The following CACNA1I variants were observed in gnomAD, a reference collection of about 807,000 sequenced individuals.
CACNA1I encodes voltage-dependent T-type calcium channel subunit alpha-1I.
CACNA1I carries 74 observed loss-of-function variants against 201.6 expected under a neutral mutation model. The ratio of observed to expected loss-of-function variants is 0.37; its 90% CI spans 0.30 to 0.45. The LOEUF is 0.45. Among genes scored for constraint, CACNA1I ranks in the 20% least tolerant of loss-of-function variants. The pLI, the probability that CACNA1I is intolerant of heterozygous loss-of-function variation, is 1.00. For missense variants in CACNA1I, 2,346 were observed against 3,138.1 expected, an observed-to-expected ratio of 0.75 and a Z score of 6.03; for synonymous variants, 1,431 against 1,345.2, an observed-to-expected ratio of 1.06 and a Z score of -1.40.
intron 10 of CACNA1I, among the ~76,000 whole-genome samples, chr22:39,651,944 G>A (rs1169862408): frequency 6.6e-6 from 1 of 152,022 alleles, no homozygotes; most frequent in Non-Finnish European, 1.5e-5. Context: ...CTCAGGCCAG[G>A]CCACGGTCCC....
In CACNA1I at chr22:39,682,669, G is replaced by A. The variant is rs752607220; in HGVS notation, c.5830+8G>A. On this transcript the variant is annotated splice_region_variant and intron_variant, in intron 35 of 36. Transcript: ENST00000402142. Reference sequence around the variant, plus strand: ...AACATGACAGCAGTCAAGGTGAGGGGTGGGAGCCCTGCCAGCTCCCCACAG... The same window carrying A: ...AACATGACAGCAGTCAAGGTGAGGGATGGGAGCCCTGCCAGCTCCCCACAG... 2 of 1,609,264 alleles carry A rather than the reference G, an allele frequency of 1.2e-6. No individual in the cohort carries two copies. The highest frequency in any genetic ancestry group is 1.7e-4 in the Middle Eastern group (1 of 6,042).
chr22:39,647,012 A>G, intron 8 of CACNA1I, 131 bp downstream of exon 8: 13 of 1,358,304 alleles, frequency 9.6e-6, no homozygotes, highest in Non-Finnish European at 1.3e-5. Context: ...TTTCCTTCAC[A>G]GCCCCCAGGG....
At chr22:39,660,833 C>A (rs955160222) in intron 15 of CACNA1I, among the ~76,000 whole-genome samples, 1 of 152,118 alleles carries the variant, frequency 6.6e-6, no homozygotes, top group Non-Finnish European at 1.5e-5. Flanking sequence ...GCCTTGTTTC[C>A]CATAGTGGGC....
Position 39,583,656 on chromosome 22 carries a change from CATTT to C in CACNA1I, c.236+12669_236+12672del, listed in dbSNP as rs569012446. On this transcript the variant is annotated intron_variant, in intron 1 of 36. Transcript: ENST00000402142. ...CAATCCATCCACTCATCTATCCATT[CATTT>C]GTTTGGCAGATGCTTGTTGATTATC... 4.7e-3 allele frequency among the ~76,000 whole-genome samples: 716 copies of C among 152,390 alleles called. 9 individuals are homozygous for C. Among genetic ancestry groups the C allele is most frequent in the Non-Finnish European group, 7.1e-3 (486 of 68,038 alleles).
chr22:39,614,710 G>A lies in CACNA1I; in HGVS notation c.483-4600G>A, dbSNP rs569987004. 5.9e-5 allele frequency among the ~76,000 whole-genome samples: 9 copies of A among 152,330 alleles called. No individual in the cohort carries two copies. In the South Asian group the frequency reaches 1.9e-3, roughly 32 times the overall value. ...GACCTCTGCTAGGAGCCAGGAGCCA[G>A]GGAGGGAGGCTCTTCAAGGAATAAG... On this transcript the variant is annotated intron_variant, in intron 3 of 36. Coordinates refer to ENST00000402142, the MANE Select transcript of CACNA1I (RefSeq NM_021096.4).
intron 4 of CACNA1I, 83 bp downstream of exon 4, chr22:39,619,490 A>AC (rs988594219): frequency 6.6e-5 from 50 of 756,880 alleles, no homozygotes; most frequent in Non-Finnish European, 6.1e-5. Flanking sequence ...GCCAATGCCC[A>AC]CCCCCCCACC....
chr22:39,598,151 GTGGTTTGAATGTGTCAGCATGC>G lies in CACNA1I; in HGVS notation c.242_263del (p.Phe81Ter). The G allele has an allele frequency of 6.3e-7, 1 of 1,587,750 alleles. No individual in the cohort carries two copies. The highest frequency in any genetic ancestry group is 8.6e-7 in the Non-Finnish European group (1 of 1,164,048). The stretch of plus-strand genomic sequence containing the variant: ...GCTTTGTCCTTGACTTGGTGTGCAC[GTGGTTTGAATGTGTCAGCATGC>G]TGGTGATCCTGCTGAACTGCGTGAC... On this transcript the variant is annotated frameshift_variant and splice_region_variant, in exon 2 of 37. Coordinates refer to ENST00000402142, the MANE Select transcript of CACNA1I (RefSeq NM_021096.4). LOFTEE classifies it high-confidence loss of function.
chr22:39,636,911 A>G (rs1294424107), intron 5 of CACNA1I, among the ~76,000 whole-genome samples: 5 of 152,324 alleles, frequency 3.3e-5, no homozygotes, highest in African/African-American at 1.2e-4. Context: ...CGTAACACGC[A>G]CAGGTGGGAG....
Position 39,677,156 on chromosome 22 carries a change from C to G in CACNA1I, c.4855-185C>G, listed in dbSNP as rs2054001966. Among the ~76,000 whole-genome samples the G allele has an allele frequency of 1.3e-5, 2 of 152,212 alleles. No homozygotes were observed. Among genetic ancestry groups the G allele is most frequent in the Admixed American group, 6.5e-5 (1 of 15,290 alleles). On this transcript the variant is annotated intron_variant, in intron 29 of 36. Coordinates refer to ENST00000402142, the MANE Select transcript of CACNA1I (RefSeq NM_021096.4). The surrounding 1 kb of genome is among the most constrained non-coding windows in gnomAD (Gnocchi z 4.8). ...TTTTCTTGTTATTCTGAGCCCTGTG[C>G]TGGACCCAGCCTGCCCTCCAGGTCC...
rs1935789501 is a variant in CACNA1I, at chr22:39,684,301, G to C, written c.5831-1G>C. 6.2e-7 allele frequency: 1 copy of C among 1,613,148 alleles called. No homozygotes were observed. Among genetic ancestry groups the C allele is most frequent in the Non-Finnish European group, 8.5e-7 (1 of 1,179,652 alleles). On this transcript the variant is annotated splice_acceptor_variant, in intron 35 of 36. Transcript: ENST00000402142. LOFTEE classifies it high-confidence loss of function. The surrounding 1 kb of genome is among the most constrained non-coding windows in gnomAD (Gnocchi z 4.6). ...AGCTCTGTCTTCTCCTTTCCCAGCA[G>C]CACCCCCAAGTCCCTTCTCCCCGGA...
intron 28 of CACNA1I, 124 bp from the exon 29 acceptor site, chr22:39,673,839 C>T (rs1935442540): frequency 1.2e-6 from 1 of 818,730 alleles, no homozygotes; most frequent in African/African-American, 1.7e-5. Context: ...ATCTGAGAGC[C>T]AGACTCTGCT....
rs373111190 is a variant in CACNA1I at position 39,665,942 on chromosome 22, C to T, written c.4040C>T (p.Ser1347Leu). 153 of 1,613,734 alleles carry T rather than the reference C, an allele frequency of 9.5e-5. No individual in the cohort carries two copies. The highest frequency in any genetic ancestry group is 1.2e-4 in the Non-Finnish European group (142 of 1,179,880). The change falls in exon 23 of 37, where the codon TCG (serine) becomes TTG (leucine). Residue 1347 changes from serine to leucine, a missense_variant. Physicochemically the swap from Ser to Leu is moderately radical, Grantham distance 145. Transcript: ENST00000402142. This position sits in a 1 kb window ranked among gnomAD's most constrained non-coding sequence, Gnocchi z 5.5. ...GACACCCGCAACATCACCAACCGCT[C>T]GGACTGCATGGCCGCCAACTACCGC... ...GVDTRNITNR[S>L]DCMAANYRWV... is the part of the protein sequence containing the mutation.
At chr22:39,650,389 C>T (rs953113764) in intron 10 of CACNA1I, among the ~76,000 whole-genome samples, 1 of 152,078 alleles carries the variant, frequency 6.6e-6, no homozygotes, top group Admixed American at 6.5e-5. Context: ...CACGATCAAG[C>T]GATCCTCCCT....
At chr22:39,605,892 TG>T (rs1440118741) in intron 3 of CACNA1I, among the ~76,000 whole-genome samples, 1 of 151,648 alleles carries the variant, frequency 6.6e-6, no homozygotes, top group East Asian at 1.9e-4. Context: ...CCAGGGTTTC[TG>T]GGGGGTGGGT....
intron 1 of CACNA1I, among the ~76,000 whole-genome samples, chr22:39,580,347 C>T (rs765511479): frequency 1.7e-4 from 26 of 152,200 alleles, no homozygotes; most frequent in Non-Finnish European, 3.1e-4. Context: ...GATGCTCAGC[C>T]GGGCCAGAGC....
chr22:39,660,317 A>G (rs373295292), intron 14 of CACNA1I, 27 bp from the exon 15 acceptor site: 4 of 1,586,550 alleles, frequency 2.5e-6, no homozygotes, highest in Non-Finnish European at 3.5e-6. Flanking sequence ...ACTGACCTGC[A>G]TTCTAACGTG....
In CACNA1I at chr22:39,662,888, C is replaced by G; in HGVS notation, c.3473+12C>G. 2 of 1,531,128 alleles carry G rather than the reference C, an allele frequency of 1.3e-6. No individual in the cohort carries two copies. Among genetic ancestry groups the G allele is most frequent in the Non-Finnish European group, 1.8e-6 (2 of 1,120,542 alleles). 94.8% of individuals were successfully genotyped at this position (1,531,128 alleles called of 1,614,324 possible). On this transcript the variant is annotated intron_variant, in intron 18 of 36. Coordinates refer to ENST00000402142, the MANE Select transcript of CACNA1I (RefSeq NM_021096.4). ...TCTCCCGAGAACAGGTGGGCAGGGC[C>G]AGGCCTGGGGTGAGGGTTAGAGTAG...
In CACNA1I at chr22:39,679,456, G is replaced by T. The variant is rs1322579245; in HGVS notation, c.5394+11G>T. The T allele has an allele frequency of 3.5e-6, 5 of 1,415,564 alleles. No homozygotes were observed. Among genetic ancestry groups the T allele is most frequent in the South Asian group, 1.6e-5 (1 of 64,360 alleles). The allele number at this position is 1,415,564 out of a possible 1,614,324, so 87.7% of individuals were successfully genotyped here. ...TACTCGCCTGCCCAGGTGGGCAGGG[G>T]CTGGAGAGGTGTGAGGGTCGCCAGA... On this transcript the variant is annotated intron_variant, in intron 32 of 36. Transcript: ENST00000402142.
At chr22:39,672,877 C>G in intron 27 of CACNA1I, 72 bp from the exon 28 acceptor site, 1 of 1,507,046 alleles carries the variant, frequency 6.6e-7, no homozygotes, top group South Asian at 1.3e-5. Context: ...GAGGCTCCCC[C>G]CACTAAGGTG....
Sources: gnomAD v4.1 joint callset for allele counts (sites outside exome capture counted in the v4.1 genomes callset) on GRCh38, gnomAD v4.1.1 for gene constraint, Gnocchi (gnomAD v3.1) non-coding constraint, MANE v1.5 for transcripts, NCBI Gene and HGNC (gene_info 2026-07-23, HGNC 2026-07-21) for gene names.